Variants in IL34 observed in about 807,000 individuals in gnomAD.
The protein encoded by IL34 is interleukin-34.
In IL34, 17 loss-of-function variants were observed where a neutral mutation model predicts 25.3. That is an observed-to-expected ratio of 0.67 (90% CI 0.46 to 1.01). The LOEUF (loss-of-function observed/expected upper bound fraction) is 1.01. Among genes scored for constraint, IL34 ranks in the 50% least tolerant of loss-of-function variants. The probability of loss-of-function intolerance (pLI) is 0.00; values close to 1 mark genes in which losing one functional copy is unlikely to be tolerated. For synonymous variants in IL34, 174 were observed against 140.9 expected (o/e 1.23, Z -1.66); for missense variants, 368 against 312.9 (o/e 1.18, Z -1.33).
chr16:70,638,503 T>G (rs1408542063), intron 1 of IL34, among the ~76,000 whole-genome samples: 1 of 152,154 alleles, frequency 6.6e-6, no homozygotes, highest in Non-Finnish European at 1.5e-5. Flanking sequence ...GGGGAAACTT[T>G]CCTGCCTTCT....
At chr16:70,628,546 G>T (rs2051447275) in intron 1 of IL34, among the ~76,000 whole-genome samples, 1 of 151,152 alleles carries the variant, frequency 6.6e-6, no homozygotes, top group African/African-American at 2.4e-5. Context: ...GAATGCAATG[G>T]TATGATCTTG....
chr16:70,640,845 A>G (rs1031997755), intron 1 of IL34, among the ~76,000 whole-genome samples: 1 of 151,924 alleles, frequency 6.6e-6, no homozygotes. Flanking sequence ...TTCTCAGTCA[A>G]TCCCCTTCCC....
chr16:70,626,483 G>A (rs2051396445), intron 1 of IL34, among the ~76,000 whole-genome samples: 1 of 152,072 alleles, frequency 6.6e-6, no homozygotes, highest in African/African-American at 2.4e-5. Flanking sequence ...TGCAACCTCT[G>A]CCTCCCAGGT....
At chr16:70,589,433 CTA>C (rs2050728245) in intron 1 of IL34, among the ~76,000 whole-genome samples, 1 of 152,054 alleles carries the variant, frequency 6.6e-6, no homozygotes, top group African/African-American at 2.4e-5. Context: ...GTTGTCCCCT[CTA>C]TGTGTCCCTG....
At chr16:70,587,379 C>A (rs150643562) in intron 1 of IL34, among the ~76,000 whole-genome samples, 2,225 of 152,214 alleles carry the variant, frequency 0.015, 59 homozygotes, top group African/African-American at 0.051. Context: ...ACGCCATTCT[C>A]CTGCCTCAGC....
intron 1 of IL34, among the ~76,000 whole-genome samples, chr16:70,636,263 T>A (rs2051640843): frequency 6.6e-6 from 1 of 151,984 alleles, no homozygotes; most frequent in South Asian, 2.1e-4. Context: ...GTCAAACACC[T>A]GGCCTCAAGT....
intron 5 of IL34, 116 bp from the exon 6 acceptor site, chr16:70,659,881 G>T: frequency 6.8e-7 from 1 of 1,480,144 alleles, no homozygotes; most frequent in South Asian, 1.3e-5. Flanking sequence ...AGCCATTTCT[G>T]GAAGCCAGGA....
intron 1 of IL34, among the ~76,000 whole-genome samples, chr16:70,639,440 G>T (rs187889945): frequency 1.3e-5 from 2 of 152,264 alleles, no homozygotes; most frequent in East Asian, 3.9e-4. Flanking sequence ...TTGCCTCATG[G>T]GGAAACGCTT....
intron 1 of IL34, among the ~76,000 whole-genome samples, chr16:70,630,082 A>C (rs2051484890): frequency 1.3e-5 from 2 of 152,112 alleles, no homozygotes; most frequent in South Asian, 4.1e-4. Flanking sequence ...TTTAGCACCC[A>C]CATACAAGTG....
At chr16:70,644,867 A>C (rs1360352358), upstream of IL34, among the ~76,000 whole-genome samples, 2 of 123,610 alleles carry the variant, frequency 1.6e-5, no homozygotes, top group Non-Finnish European at 3.3e-5. Context: ...GAAGAGGAGG[A>C]AGTAGGAAGA....
chr16:70,606,793 GC>G (rs1032150482), intron 1 of IL34, among the ~76,000 whole-genome samples: 49 of 152,224 alleles, frequency 3.2e-4, no homozygotes, highest in African/African-American at 1.1e-3. Context: ...TCACTATGTT[GC>G]CCAGGCTGTT....
chr16:70,589,010 TG>T (rs774355959), intron 1 of IL34, among the ~76,000 whole-genome samples: 33 of 152,060 alleles, frequency 2.2e-4, no homozygotes, highest in Non-Finnish European at 4.7e-4. Context: ...TTAATGCCAC[TG>T]GGAAAAAAAT....
chr16:70,656,613 C>T lies in IL34; in HGVS notation c.174C>T (p.Phe58=), dbSNP rs759905938. ...RSRLQYMKHY[F]PINYKISVPY... ...TTGTGCCTCTCCAGAAACACTACTT[C>T]CCCATCAACTACAAGATCAGTGTGC... The change falls in exon 3 of 6, where the codon TTC becomes TTT. Residue 58 remains phenylalanine, a synonymous_variant. Coordinates refer to ENST00000288098, the MANE Select transcript of IL34 (RefSeq NM_001393494.1). 9 of 1,369,114 alleles carry T rather than the reference C, an allele frequency of 6.6e-6. No homozygotes were observed. The East Asian group carries it at 2.1e-4, about 31-fold the overall frequency. The allele number at this position is 1,369,114 out of a possible 1,614,324, so 84.8% of individuals were successfully genotyped here.
chr16:70,634,674 C>T lies in IL34; in HGVS notation c.-400-11874C>T, dbSNP rs139534196. 6.1e-3 allele frequency among the ~76,000 whole-genome samples: 903 copies of T among 147,550 alleles called. 6 individuals carry two copies. Among genetic ancestry groups the T allele is most frequent in the African/African-American group, 0.018 (738 of 40,140 alleles). On this transcript the variant is annotated intron_variant, in intron 1 of 6. Transcript: ENST00000429149. ...CAGCCTGGGCGACAGAGCGAGATTC[C>T]GAATCAAAAAAAAAAAAAAAAATTT...
At chr16:70,659,815 G>C in intron 5 of IL34, 62 bp downstream of exon 5, 1 of 1,549,800 alleles carries the variant, frequency 6.5e-7, no homozygotes, top group East Asian at 2.3e-5. Flanking sequence ...GCCCACCCAG[G>C]CCAGCTGGCA....
At chr16:70,596,946 A>G (rs1480595945) in intron 1 of IL34, among the ~76,000 whole-genome samples, 1 of 151,930 alleles carries the variant, frequency 6.6e-6, no homozygotes, top group Non-Finnish European at 1.5e-5. Context: ...TTGTACCCAT[A>G]ATACTCCATT....
chr16:70,628,815 G>C (rs1202816917), intron 1 of IL34, among the ~76,000 whole-genome samples: 1 of 148,452 alleles, frequency 6.7e-6, no homozygotes, highest in Middle Eastern at 3.4e-3. Flanking sequence ...TTGAGACAGG[G>C]TCTTACTGTA....
chr16:70,618,368 G>C (rs922832091), intron 1 of IL34, among the ~76,000 whole-genome samples: 8 of 152,112 alleles, frequency 5.3e-5, no homozygotes, highest in Non-Finnish European at 1.0e-4. Context: ...CCGGATTGAA[G>C]TCTGGGCCAG....
At chr16:70,625,669 G>C (rs140113454) in intron 1 of IL34, among the ~76,000 whole-genome samples, 23,352 of 152,114 alleles carry the variant, frequency 0.15, 1,894 homozygotes, top group South Asian at 0.21. Flanking sequence ...CCAAGGGAAG[G>C]CTGCCTTCCC....
Sources: gnomAD v4.1 joint callset for allele counts (sites outside exome capture counted in the v4.1 genomes callset) on GRCh38, gnomAD v4.1.1 for gene constraint, MANE v1.5 for transcripts, NCBI Gene and HGNC (gene_info 2026-07-23, HGNC 2026-07-21) for gene names.